Variants in MIER3 observed in about 807,000 individuals in gnomAD.
MIER3 encodes MIER family member 3, also known as mesoderm induction early response protein 3.
In MIER3, 9 loss-of-function variants were observed where a neutral mutation model predicts 63.2. That is an observed-to-expected ratio of 0.14 (90% confidence interval 0.09 to 0.25). The LOEUF (loss-of-function observed/expected upper bound fraction) is 0.25. MIER3 is among the 10% of genes least tolerant of loss of function. MIER3 has a pLI of 1.00. For synonymous variants in MIER3, 205 were observed against 224.9 expected, an observed-to-expected ratio of 0.91 and a Z score of 0.79; for missense variants, 512 against 666.2, an observed-to-expected ratio of 0.77 and a Z score of 2.55.
At position 56,935,461 on chromosome 5, in the gene MIER3, G is replaced by A. The variant is rs766692215; in HGVS notation, c.562C>T (p.Pro188Ser). The change falls in exon 7 of 13, where the codon CCT (proline) becomes TCT (serine). Residue 188 changes from proline (P) to serine (S), a missense_variant. This residue lies in a region of MIER3 where 118 missense variants were observed against 133.6 expected (regional missense o/e 0.88). Transcript: ENST00000381199. ...TTACCATCGTACTCTCCAAGATAAG[G>A]GGGAATCTCTGCCTGATATTGTAAA... ...IGLQYQAEIP[P>S]YLGEYDGNEK... is the part of the protein sequence containing the mutation. 4 of 1,595,338 alleles carry A rather than the reference G, an allele frequency of 2.5e-6. No homozygotes were observed. Among genetic ancestry groups the A allele is most frequent in the South Asian group, 1.2e-5 (1 of 85,732 alleles).
At chr5:56,944,996 C>G (rs1042850428) in intron 3 of MIER3, among the ~76,000 whole-genome samples, 1 of 152,152 alleles carries the variant, frequency 6.6e-6, no homozygotes. Flanking sequence ...TGCCCCCAGC[C>G]TAAATGCCTT....
intron 3 of MIER3, among the ~76,000 whole-genome samples, chr5:56,944,829 G>A (rs1750772470): frequency 6.6e-6 from 1 of 151,778 alleles, no homozygotes; most frequent in Non-Finnish European, 1.5e-5. Context: ...CAAGTAGCTG[G>A]GGCTACTAGC....
At chr5:56,933,179 G>C (rs1750331075) in intron 8 of MIER3, 68 bp downstream of exon 8, 1 of 1,418,220 alleles carries the variant, frequency 7.1e-7, no homozygotes, top group Non-Finnish European at 9.3e-7. Flanking sequence ...AAAAATATCT[G>C]TATCAAATAT....
At chr5:56,941,914 G>A (rs1050744162) in intron 3 of MIER3, among the ~76,000 whole-genome samples, 4 of 152,096 alleles carry the variant, frequency 2.6e-5, no homozygotes, top group African/African-American at 7.2e-5. Context: ...GGACGTGGGA[G>A]GGAAAGGGAA....
intron 8 of MIER3, among the ~76,000 whole-genome samples, chr5:56,932,184 TGGGA>T (rs963554563): frequency 2.6e-5 from 4 of 152,038 alleles, no homozygotes; most frequent in African/African-American, 9.7e-5. Context: ...TGCTTGAACC[TGGGA>T]GGTGGAGGTT....
intron 2 of MIER3, among the ~76,000 whole-genome samples, chr5:56,948,149 C>A (rs552900014): frequency 6.6e-6 from 1 of 152,170 alleles, no homozygotes; most frequent in Non-Finnish European, 1.5e-5. Context: ...AGTGTGAGAT[C>A]ATTACCAAAA....
At chr5:56,946,289 G>A (rs929507051) in intron 3 of MIER3, among the ~76,000 whole-genome samples, 1 of 152,084 alleles carries the variant, frequency 6.6e-6, no homozygotes, top group African/African-American at 2.4e-5. Flanking sequence ...AATCCTACAC[G>A]TTTTCAAGGT....
intron 9 of MIER3, 135 bp from the exon 10 acceptor site, chr5:56,928,996 C>CACACAG (rs1452111524): frequency 7.2e-6 from 4 of 555,278 alleles, no homozygotes; most frequent in Non-Finnish European, 1.3e-5. Flanking sequence ...CTCTCTCACA[C>CACACAG]ACACACACAC....
At chr5:56,924,153 ATAT>A in intron 10 of MIER3, 111 bp from the exon 11 acceptor site, 1 of 1,059,204 alleles carries the variant, frequency 9.4e-7, no homozygotes, top group Non-Finnish European at 1.4e-6. Flanking sequence ...TTTTCCCATT[ATAT>A]AGTTCTGAAC....
At chr5:56,943,510 TAA>T (rs1339543589) in intron 3 of MIER3, among the ~76,000 whole-genome samples, 1 of 152,122 alleles carries the variant, frequency 6.6e-6, no homozygotes, top group African/African-American at 2.4e-5. Context: ...CGCTTTTCTA[TAA>T]AGACACAGGA....
At chr5:56,938,216 CTTG>C (rs1231882498) in intron 4 of MIER3, 2 of 469,628 alleles carry the variant, frequency 4.3e-6, no homozygotes, top group African/African-American at 4.0e-5. Flanking sequence ...TCAATAAATA[CTTG>C]TTGAATGACT....
intron 3 of MIER3, among the ~76,000 whole-genome samples, chr5:56,943,592 C>T (rs1035213336): frequency 5.3e-5 from 8 of 152,148 alleles, no homozygotes; most frequent in African/African-American, 1.4e-4. Flanking sequence ...AGGGATGACA[C>T]GGGTGGCCAG....
At chr5:56,945,398 G>C (rs1453938165) in intron 3 of MIER3, among the ~76,000 whole-genome samples, 7 of 152,168 alleles carry the variant, frequency 4.6e-5, no homozygotes, top group Non-Finnish European at 7.3e-5. Context: ...AGGAGGCAGA[G>C]GCTGCAGTGA....
At position 56,923,047 on chromosome 5, in the gene MIER3, C is replaced by T. The variant is rs1484684198; in HGVS notation, c.*81G>A. On this transcript the variant is annotated 3_prime_UTR_variant, in exon 13 of 13. Coordinates refer to ENST00000381199, the MANE Select transcript of MIER3 (RefSeq NM_001297599.2). ...GTCATAGTGAGAAAGGTTCAAACTTCCAGTGAAAGACTATGCAAACCTGAT... is the reference window on the plus strand; with the variant it reads ...GTCATAGTGAGAAAGGTTCAAACTTTCAGTGAAAGACTATGCAAACCTGAT... 4 of 1,169,868 alleles carry T rather than the reference C, an allele frequency of 3.4e-6. No individual in the cohort carries two copies. The highest frequency in any genetic ancestry group is 4.9e-6 in the Non-Finnish European group (4 of 820,278). The allele number at this position is 1,169,868 out of a possible 1,614,324, so 72.5% of individuals were successfully genotyped here.
intron 8 of MIER3, among the ~76,000 whole-genome samples, chr5:56,931,342 C>T (rs1750259958): frequency 6.6e-6 from 1 of 151,862 alleles, no homozygotes; most frequent in Admixed American, 6.6e-5. Context: ...ATCTACCTTC[C>T]CAAGTAAGTT....
intron 10 of MIER3, among the ~76,000 whole-genome samples, chr5:56,927,432 G>A (rs888794834): frequency 3.3e-5 from 5 of 152,092 alleles, no homozygotes; most frequent in Non-Finnish European, 7.4e-5. Context: ...TTTTATAAAA[G>A]CATAAAATAC....
intron 2 of MIER3, among the ~76,000 whole-genome samples, chr5:56,948,394 T>C (rs1418307567): frequency 6.6e-6 from 1 of 152,198 alleles, no homozygotes; most frequent in Non-Finnish European, 1.5e-5. Flanking sequence ...GCCGGGGTGG[T>C]GGCTCATGCC....
At chr5:56,935,334 T>C in intron 7 of MIER3, 94 bp downstream of exon 7, 1 of 930,070 alleles carries the variant, frequency 1.1e-6, no homozygotes, top group Non-Finnish European at 1.6e-6. Flanking sequence ...TATCTATCTA[T>C]TGCCAAGGCT....
Position 56,922,252 on chromosome 5 carries a change from A to C in MIER3, c.*876T>G, listed in dbSNP as rs1485881292. On this transcript the variant is annotated 3_prime_UTR_variant, in exon 13 of 13. Coordinates refer to ENST00000381199, the MANE Select transcript of MIER3 (RefSeq NM_001297599.2). The stretch of plus-strand genomic sequence containing the variant: ...TCTGCAAGTCGACTGCCTCAGGATA[A>C]ACTAAATTATCAATGACTGGTATGA... 6.6e-6 allele frequency: 1 copy of C among 152,564 alleles called. No individual in the cohort carries two copies. Among genetic ancestry groups the C allele is most frequent in the Non-Finnish European group, 1.5e-5 (1 of 68,026 alleles). The allele number at this position is 152,564 out of a possible 1,614,324, so 9.5% of individuals were successfully genotyped here.
Sources: allele counts gnomAD v4.1 joint callset (sites outside exome capture counted in the v4.1 genomes callset), GRCh38; gene constraint gnomAD v4.1.1; regional missense constraint gnomAD v4.1.1; transcripts MANE v1.5; gene names NCBI Gene and HGNC (gene_info 2026-07-23, HGNC 2026-07-21).